The following IFNE variants were observed in gnomAD, a reference collection of about 807,000 sequenced individuals.
IFNE encodes the protein interferon epsilon.
For synonymous variants in IFNE, 94 were observed against 87.4 expected (o/e 1.08, Z -0.42); for missense variants, 276 against 232.4 (o/e 1.19, Z -1.22).
At position 21,481,074 on chromosome 9, in the gene IFNE, C is replaced by T. The variant is rs189654462; in HGVS notation, c.621G>A (p.Pro207=). The change falls in exon 1 of 1, where the codon CCG becomes CCA. Residue 207 remains proline (P), a synonymous_variant. Transcript: ENST00000448696. The stretch of plus-strand genomic sequence containing the variant: ...AGTCCTCTAGTCCCTCCACCTACCT[C>T]GGGCTTCTAAACTCTGTAGTAAGCT... ...KQELTTEFRS[P]R The T allele has an allele frequency of 1.7e-5, 27 of 1,600,726 alleles. No homozygotes were observed. Among genetic ancestry groups the T allele is most frequent in the East Asian group, 6.7e-5 (3 of 44,810 alleles).
Position 21,481,605 on chromosome 9 carries a change from C to T in IFNE, c.90G>A (p.Gln30=). The change falls in exon 1 of 1, where the codon CAG becomes CAA. Residue 30 remains glutamine (Q), a synonymous_variant. Coordinates refer to ENST00000448696, the MANE Select transcript of IFNE (RefSeq NM_176891.5). The part of the protein sequence containing the change: ...FSLDLKLIIF[Q]QRQVNQESLK... ...AACTTTCTTGATTCACTTGTCTTTGCTGGAAGATAATCAGTTTCAAATCTA... is the reference window on the plus strand; with the variant it reads ...AACTTTCTTGATTCACTTGTCTTTGTTGGAAGATAATCAGTTTCAAATCTA... The T allele has an allele frequency of 6.2e-7, 1 of 1,614,048 alleles. No homozygotes were observed. Among genetic ancestry groups the T allele is most frequent in the Non-Finnish European group, 8.5e-7 (1 of 1,179,952 alleles).
In IFNE at chr9:21,481,712, C is replaced by G. The variant is rs1235988946; in HGVS notation, c.-18G>C. The G allele has an allele frequency of 6.3e-7, 1 of 1,592,496 alleles. No homozygotes were observed. Among genetic ancestry groups the G allele is most frequent in the Admixed American group, 1.7e-5 (1 of 58,156 alleles). On this transcript the variant is annotated 5_prime_UTR_variant, in exon 1 of 1. The change abolishes the stop of an existing upstream ORF in the 5' untranslated region. Coordinates refer to ENST00000448696, the MANE Select transcript of IFNE (RefSeq NM_176891.5). ...ATAATCATGGTGAAGGTCAAATATG[C>G]TACTTATCCCTGCATAGACTTAGGG...
In IFNE at chr9:21,482,188, A is replaced by G. The variant is rs1819064213; in HGVS notation, c.-494T>C. 6.0e-6 allele frequency: 1 copy of G among 167,160 alleles called. No homozygotes were observed. Among genetic ancestry groups the G allele is most frequent in the African/African-American group, 2.4e-5 (1 of 41,462 alleles). The allele number at this position is 167,160 out of a possible 1,614,324, so 10.4% of individuals were successfully genotyped here. Reference sequence around the variant, plus strand: ...GCAAAACTTAAAATACCTACAAACTACTAAATTTAAAACCTCAATTAGAAC... The same window carrying G: ...GCAAAACTTAAAATACCTACAAACTGCTAAATTTAAAACCTCAATTAGAAC... On this transcript the variant is annotated 5_prime_UTR_variant, in exon 1 of 1. Coordinates refer to ENST00000448696, the MANE Select transcript of IFNE (RefSeq NM_176891.5).
At position 21,481,627 on chromosome 9, in the gene IFNE, T is replaced by C. The variant is rs1160033016; in HGVS notation, c.68A>G (p.Asp23Gly). The change falls in exon 1 of 1, where the codon GAT (aspartate) becomes GGT (glycine). Residue 23 changes from aspartate to glycine, a missense_variant. Physicochemically the swap from Asp to Gly is moderately conservative, Grantham distance 94. Transcript: ENST00000448696. ...LLASTTIFSLDLKLIIFQQRQ... is the reference protein window; with the variant it reads ...LLASTTIFSLGLKLIIFQQRQ... ...TTGCTGGAAGATAATCAGTTTCAAA[T>C]CTAGAGAGAAGATAGTGGTAGAGGC... is the stretch of plus-strand genomic sequence containing the variant. 1 of 1,614,070 alleles carries C rather than the reference T, an allele frequency of 6.2e-7. No individual in the cohort carries two copies. Among genetic ancestry groups the C allele is most frequent in the Non-Finnish European group, 8.5e-7 (1 of 1,179,946 alleles).
chr9:21,481,499 AC>A, the IFNE span: 1 of 1,614,068 alleles, frequency 6.2e-7, no homozygotes, highest in South Asian at 1.1e-5. Flanking sequence ...GGACTCAAAG[AC>A]TTCTGAGGAA....
chr9:21,480,968 A>T lies in IFNE; in HGVS notation c.*100T>A. On this transcript the variant is annotated 3_prime_UTR_variant, in exon 1 of 1. Coordinates refer to ENST00000448696, the MANE Select transcript of IFNE (RefSeq NM_176891.5). ...TATGCACAATCTTAAAACACAGATA[A>T]ATATATATATACACAAAATCAAAGC... is the stretch of plus-strand genomic sequence containing the variant. 1 of 935,812 alleles carries T rather than the reference A, an allele frequency of 1.1e-6. No homozygotes were observed. The highest frequency in any genetic ancestry group is 1.6e-6 in the Non-Finnish European group (1 of 623,740). The allele number at this position is 935,812 out of a possible 1,614,324, so 58.0% of individuals were successfully genotyped here.
chr9:21,481,617 C>A lies in IFNE; in HGVS notation c.78G>T (p.Leu26=). ...TCACTTGTCTTTGCTGGAAGATAAT[C>A]AGTTTCAAATCTAGAGAGAAGATAG... ...STTIFSLDLK[L]IIFQQRQVNQ... The change falls in exon 1 of 1, where the codon CTG becomes CTT. Residue 26 remains leucine (L), a synonymous_variant. Transcript: ENST00000448696. The A allele has an allele frequency of 6.2e-7, 1 of 1,613,950 alleles. No homozygotes were observed. Among genetic ancestry groups the A allele is most frequent in the South Asian group, 1.1e-5 (1 of 91,062 alleles).
chr9:21,481,409 T>A lies in IFNE; in HGVS notation c.286A>T (p.Ile96Phe). The A allele has an allele frequency of 2.5e-6, 4 of 1,614,144 alleles. No homozygotes were observed. Among genetic ancestry groups the A allele is most frequent in the Non-Finnish European group, 3.4e-6 (4 of 1,180,004 alleles). ...QQIFSLFRANISLDGWEENHT... is the reference protein window; with the variant it reads ...QQIFSLFRANFSLDGWEENHT... ...TTTTCCTCCCAACCATCCAGAGAAA[T>A]ATTTGCCCTGAAGAGGCTGAAGATC... Residue 96 changes from isoleucine to phenylalanine, a missense_variant, in exon 1 of 1, where the codon ATT becomes TTT. Coordinates refer to ENST00000448696, the MANE Select transcript of IFNE (RefSeq NM_176891.5).
chr9:21,481,818 T>C lies in IFNE; in HGVS notation c.-124A>G. On this transcript the variant is annotated 5_prime_UTR_variant, in exon 1 of 1. Transcript: ENST00000448696. ...GTGTTCTCTTTTGTTGCTTTCGTTT[T>C]CTAATGTCATTTCTCCAAGTTTACA... is the stretch of plus-strand genomic sequence containing the variant. 1 of 855,592 alleles carries C rather than the reference T, an allele frequency of 1.2e-6. No homozygotes were observed. The highest frequency in any genetic ancestry group is 1.8e-6 in the Non-Finnish European group (1 of 552,204). The allele number at this position is 855,592 out of a possible 1,614,324, so 53.0% of individuals were successfully genotyped here. A position where few individuals can be genotyped will look rare whatever the true frequency, so the allele number is the denominator to read the frequency against.
At position 21,481,499 on chromosome 9, in the gene IFNE, A is replaced by C. The variant is rs372559461; in HGVS notation, c.196T>G (p.Ser66Ala). The C allele has an allele frequency of 1.9e-6, 3 of 1,614,068 alleles. No individual in the cohort carries two copies. ...TTTTGGTACTGCTGAGGACTCAAAG[A>C]CTTCTGAGGAAGCAGAAAGTTTTTC... is the stretch of plus-strand genomic sequence containing the variant. ...HRKNFLLPQK[S>A]LSPQQYQKGH... Residue 66 changes from serine (S) to alanine (A), a missense_variant, in exon 1 of 1, where the codon TCT (serine) becomes GCT (alanine). By Grantham distance (99) the Ser-to-Ala change is moderately conservative. Transcript: ENST00000448696.
Position 21,480,941 on chromosome 9 carries a change from A to G in IFNE, c.*127T>C, listed in dbSNP as rs1186729041. The G allele has an allele frequency of 1.4e-6, 1 of 719,120 alleles. No homozygotes were observed. Among genetic ancestry groups the G allele is most frequent in the Non-Finnish European group, 2.2e-6 (1 of 445,424 alleles). 44.5% of individuals were successfully genotyped at this position (719,120 alleles called of 1,614,324 possible). ...TTACAAAATAAAAACAATTGTGGTC[A>G]ATATGCACAATCTTAAAACACAGAT... On this transcript the variant is annotated 3_prime_UTR_variant, in exon 1 of 1. Transcript: ENST00000448696.
rs1199088188 is a variant in IFNE, at chr9:21,482,254, A to G, written c.-560T>C. On this transcript the variant is annotated 5_prime_UTR_variant, in exon 1 of 1. Transcript: ENST00000448696. ...ATGCTTGAGCAAATAATTAATTTTA[A>G]AACATATATCAGCAATCTTAAATTA... is the stretch of plus-strand genomic sequence containing the variant. 6.0e-6 allele frequency: 1 copy of G among 166,816 alleles called. No individual in the cohort carries two copies. Among genetic ancestry groups the G allele is most frequent in the Non-Finnish European group, 1.5e-5 (1 of 68,134 alleles). The allele number at this position is 166,816 out of a possible 1,614,324, so 10.3% of individuals were successfully genotyped here.
At position 21,481,737 on chromosome 9, in the gene IFNE, GA is replaced by G; in HGVS notation, c.-44del. The G allele has an allele frequency of 2.0e-6, 3 of 1,533,008 alleles. No individual in the cohort carries two copies. The highest frequency in any genetic ancestry group is 2.6e-6 in the Non-Finnish European group (3 of 1,135,578). The allele number at this position is 1,533,008 out of a possible 1,614,324, so 95.0% of individuals were successfully genotyped here. A position where few individuals can be genotyped will look rare whatever the true frequency, so the allele number is the denominator to read the frequency against. On this transcript the variant is annotated 5_prime_UTR_variant, in exon 1 of 1. An upstream open reading frame in the 5' UTR gains an earlier in-frame stop. Transcript: ENST00000448696. Reference sequence around the variant, plus strand: ...CTACTTATCCCTGCATAGACTTAGGGAAATTCCAGCTCTAGTGAATGTTTGC... The same window carrying G: ...CTACTTATCCCTGCATAGACTTAGGGAATTCCAGCTCTAGTGAATGTTTGC...
chr9:21,481,805 G>C lies in IFNE; in HGVS notation c.-111C>G. 1 of 986,256 alleles carries C rather than the reference G, an allele frequency of 1.0e-6. No individual in the cohort carries two copies. 61.1% of individuals were successfully genotyped at this position (986,256 alleles called of 1,614,324 possible). On this transcript the variant is annotated 5_prime_UTR_variant, in exon 1 of 1. Coordinates refer to ENST00000448696, the MANE Select transcript of IFNE (RefSeq NM_176891.5). ...ATTATTTTGGAGAGTGTTCTCTTTT[G>C]TTGCTTTCGTTTTCTAATGTCATTT...
Position 21,480,912 on chromosome 9 carries a change from C to T in IFNE, c.*156G>A. 1 of 565,396 alleles carries T rather than the reference C, an allele frequency of 1.8e-6. No individual in the cohort carries two copies. The highest frequency in any genetic ancestry group is 3.0e-6 in the Non-Finnish European group (1 of 332,658). The allele number at this position is 565,396 out of a possible 1,614,324, so 35.0% of individuals were successfully genotyped here. A position where few individuals can be genotyped will look rare whatever the true frequency, so the allele number is the denominator to read the frequency against. ...TTAAAATGGATAGAATATATAAAGC[C>T]ACATTACAAAATAAAAACAATTGTG... On this transcript the variant is annotated 3_prime_UTR_variant, in exon 1 of 1. Coordinates refer to ENST00000448696, the MANE Select transcript of IFNE (RefSeq NM_176891.5).
rs768073932 is a variant in IFNE at position 21,481,346 on chromosome 9, G to C, written c.349C>G (p.Leu117Val). The change falls in exon 1 of 1, where the codon CTA becomes GTA. Residue 117 changes from leucine (L) to valine (V), a missense_variant. Physicochemically the swap from Leu to Val is conservative, Grantham distance 32 (BLOSUM62 1). Transcript: ENST00000448696. ...EKFLIQLHQQ[L>V]EYLEALMGLE... ...CCCATGAGTGCTTCTAGGTATTCTA[G>C]CTGTTGATGAAGTTGAATGAGGAAT... is the stretch of plus-strand genomic sequence containing the variant. 6 of 1,613,998 alleles carry C rather than the reference G, an allele frequency of 3.7e-6. No homozygotes were observed. In the South Asian group the frequency reaches 4.4e-5, roughly 12 times the overall value.
Position 21,481,240 on chromosome 9 carries a change from T to A in IFNE, c.455A>T (p.His152Leu), listed in dbSNP as rs373487864. ...GTAGTCCTGGTTTTCCAGGTAATCA[T>A]GGATCCTTCGGAAGTACATTTTAAC... ...LQVKMYFRRI[H>L]DYLENQDYST... Residue 152 changes from histidine (H) to leucine (L), a missense_variant, in exon 1 of 1, where the codon CAT (histidine) becomes CTT (leucine). By Grantham distance (99) the His-to-Leu change is moderately conservative (BLOSUM62 -3). Transcript: ENST00000448696. The A allele has an allele frequency of 3.7e-6, 6 of 1,614,050 alleles. No homozygotes were observed. The highest frequency in any genetic ancestry group is 5.1e-6 in the Non-Finnish European group (6 of 1,180,000).
Position 21,481,220 on chromosome 9 carries a change from C to G in IFNE, c.475G>C (p.Asp159His). 1.2e-6 allele frequency: 2 copies of G among 1,614,118 alleles called. No individual in the cohort carries two copies. The highest frequency in any genetic ancestry group is 2.2e-5 in the South Asian group (2 of 91,064). Residue 159 changes from aspartate (D) to histidine (H), a missense_variant, in exon 1 of 1, where the codon GAC (aspartate) becomes CAC (histidine). Transcript: ENST00000448696. ...RRIHDYLENQ[D>H]YSTCAWAIVQ... is the part of the protein sequence containing the mutation. ...ATGGCCCAGGCACAGGTGCTGTAGTCCTGGTTTTCCAGGTAATCATGGATC... is the reference window on the plus strand; with the variant it reads ...ATGGCCCAGGCACAGGTGCTGTAGTGCTGGTTTTCCAGGTAATCATGGATC...
rs1206651640 is a variant in IFNE at position 21,481,751 on chromosome 9, AG to A, written c.-58del. 13 of 1,480,550 alleles carry A rather than the reference AG, an allele frequency of 8.8e-6. No individual in the cohort carries two copies. The highest frequency in any genetic ancestry group is 1.0e-5 in the Non-Finnish European group (11 of 1,096,212). The allele number at this position is 1,480,550 out of a possible 1,614,324, so 91.7% of individuals were successfully genotyped here. A position where few individuals can be genotyped will look rare whatever the true frequency, so the allele number is the denominator to read the frequency against. On this transcript the variant is annotated 5_prime_UTR_variant, in exon 1 of 1. The change creates a premature stop within an existing upstream ORF in the 5' untranslated region. Transcript: ENST00000448696. The stretch of plus-strand genomic sequence containing the variant: ...ATAGACTTAGGGAAATTCCAGCTCT[AG>A]TGAATGTTTGCCTTTCATGCATCTC...
Sources: gnomAD v4.1 joint callset for allele counts on GRCh38, gnomAD v4.1.1 for gene constraint, MANE v1.5 for transcripts, NCBI Gene and HGNC (gene_info 2026-07-23, HGNC 2026-07-21) for gene names.